Variants in ZNF516 observed in about 807,000 individuals in gnomAD.
ZNF516 encodes the protein zinc finger protein 516.
ZNF516 carries 19 observed loss-of-function variants against 79.7 expected under a neutral mutation model. That is an observed-to-expected ratio of 0.24 (90% CI 0.17 to 0.35). The LOEUF is 0.35. Among genes scored for constraint, ZNF516 ranks in the 10% least tolerant of loss-of-function variants. The pLI is 1.00. For missense variants in ZNF516, 1,678 were observed against 1,679.5 expected (o/e 1.00, Z 0.02); for synonymous variants, 877 against 739.5 (o/e 1.19, Z -3.02).
Position 76,379,817 on chromosome 18 carries a change from C to A in ZNF516, c.2297G>T (p.Ser766Ile), listed in dbSNP as rs758953863. The stretch of plus-strand genomic sequence containing the variant: ...GACCTCGGGGTAGTAGGTCTTGTGG[C>A]TGCAGTAAGGACACGGGTGAACGAC... Reference protein sequence around the residue: ...ALVVHPCPYCSHKTYYPEVLW... With the variant: ...ALVVHPCPYCIHKTYYPEVLW... Residue 766 changes from serine to isoleucine, a missense_variant, in exon 4 of 7, where the codon AGC (serine) becomes ATC (isoleucine). By Grantham distance (142) the Ser-to-Ile change is moderately radical. This residue lies in a region of ZNF516 where 1,294 missense variants were observed against 1,248.3 expected (regional missense o/e 1.04). Coordinates refer to ENST00000443185, the MANE Select transcript of ZNF516 (RefSeq NM_014643.4). 42 of 1,613,676 alleles carry A rather than the reference C, an allele frequency of 2.6e-5. No homozygotes were observed. The highest frequency in any genetic ancestry group is 1.3e-5 in the African/African-American group (1 of 74,938).
chr18:76,380,966 C>T (rs1219399222), intron 3 of ZNF516, among the ~76,000 whole-genome samples: 2 of 152,244 alleles, frequency 1.3e-5, no homozygotes, highest in Non-Finnish European at 2.9e-5. Flanking sequence ...CCACGCTATC[C>T]ACCTCCATGC....
chr18:76,456,141 G>A (rs1912709121), intron 2 of ZNF516, among the ~76,000 whole-genome samples: 1 of 152,198 alleles, frequency 6.6e-6, no homozygotes, highest in Non-Finnish European at 1.5e-5. Context: ...CTTCTCAGGA[G>A]CCCTGGCGAA....
chr18:76,485,940 T>A (rs1914808362), intron 1 of ZNF516, among the ~76,000 whole-genome samples: 1 of 151,500 alleles, frequency 6.6e-6, no homozygotes, highest in South Asian at 2.1e-4. Flanking sequence ...ATAAACATAC[T>A]TTTTTGCTCT....
At chr18:76,363,395 G>A (rs2074567147) in intron 6 of ZNF516, among the ~76,000 whole-genome samples, 1 of 152,206 alleles carries the variant, frequency 6.6e-6, no homozygotes, top group African/African-American at 2.4e-5. Flanking sequence ...TAATGGCGGA[G>A]TGGGGGAAGG....
chr18:76,491,827 T>C (rs1915244594), intron 1 of ZNF516: 1 of 151,906 alleles, frequency 6.6e-6, no homozygotes, highest in African/African-American at 2.4e-5. Context: ...ATAGGAATGA[T>C]TTAATCCAAC....
intron 1 of ZNF516, chr18:76,492,686 A>C: frequency 4.8e-5 from 47 of 979,620 alleles, no homozygotes; most frequent in Middle Eastern, 5.2e-4. Flanking sequence ...AAGGCCAGAG[A>C]AACCGCACGT....
intron 3 of ZNF516, among the ~76,000 whole-genome samples, chr18:76,397,881 C>T (rs970622814): frequency 4.6e-5 from 7 of 152,198 alleles, no homozygotes; most frequent in Admixed American, 3.3e-4. Flanking sequence ...AGACATGAGC[C>T]ACTGCGCCCC....
chr18:76,477,763 A>C (rs189173624), intron 1 of ZNF516, among the ~76,000 whole-genome samples: 10 of 152,110 alleles, frequency 6.6e-5, no homozygotes, highest in East Asian at 1.9e-4. Flanking sequence ...GACACAAACA[A>C]CACAAAAAAA....
At chr18:76,364,791 A>G (rs1442850673) in intron 6 of ZNF516, among the ~76,000 whole-genome samples, 3 of 152,250 alleles carry the variant, frequency 2.0e-5, no homozygotes, top group Non-Finnish European at 4.4e-5. Context: ...TAAGTGCCTG[A>G]GGACCAATTA....
intron 3 of ZNF516, among the ~76,000 whole-genome samples, chr18:76,436,944 G>A (rs114114714): frequency 0.017 from 2,550 of 152,182 alleles, 86 homozygotes; most frequent in African/African-American, 0.059. Flanking sequence ...GTGACCGCCT[G>A]TAGTCCTAGC....
rs749967508 is a variant in ZNF516, at chr18:76,379,006, G to A, written c.3108C>T (p.Pro1036=). 3.1e-6 allele frequency: 5 copies of A among 1,612,722 alleles called. No homozygotes were observed. The highest frequency in any genetic ancestry group is 4.2e-6 in the Non-Finnish European group (5 of 1,179,714). Residue 1036 remains proline (P), a synonymous_variant, in exon 4 of 7, where the codon CCC becomes CCT. Transcript: ENST00000443185. ...LQAQPGVAGA[P]PVLHSIKQEP... ...CCTGTTTGATGGAGTGTAGGACGGG[G>A]GGCGCCCCAGCCACGCCGGGCTGGG...
At chr18:76,406,716 C>A (rs1282596231) in intron 3 of ZNF516, among the ~76,000 whole-genome samples, 1 of 152,232 alleles carries the variant, frequency 6.6e-6, no homozygotes, top group Non-Finnish European at 1.5e-5. Flanking sequence ...CAACACGTTC[C>A]TGTAGACCTA....
At chr18:76,460,142 C>A (rs898515338) in intron 2 of ZNF516, among the ~76,000 whole-genome samples, 3 of 152,214 alleles carry the variant, frequency 2.0e-5, no homozygotes, top group Non-Finnish European at 2.9e-5. Flanking sequence ...TTGAAACATG[C>A]GGAACTCCGA....
At chr18:76,437,295 G>T (rs1384234577) in intron 3 of ZNF516, among the ~76,000 whole-genome samples, 3 of 152,102 alleles carry the variant, frequency 2.0e-5, no homozygotes, top group Admixed American at 1.3e-4. Context: ...AAAAGCCTCA[G>T]TGCGCCTGGT....
In ZNF516 at chr18:76,481,988, A is replaced by C. The variant is rs367904659; in HGVS notation, c.-272+13156T>G. On this transcript the variant is annotated intron_variant, in intron 1 of 6. Coordinates refer to ENST00000443185, the MANE Select transcript of ZNF516 (RefSeq NM_014643.4). ...AAGGAACTACTTTCCAAAAGCTACA[A>C]TAGCTTTTGCCTTAAGAATGTTATT... 2.0e-5 allele frequency among the ~76,000 whole-genome samples: 3 copies of C among 152,324 alleles called. No individual in the cohort carries two copies. The East Asian group carries it at 5.8e-4, about 29-fold the overall frequency.
intron 1 of ZNF516, among the ~76,000 whole-genome samples, chr18:76,475,359 T>C (rs541262930): frequency 3.3e-4 from 50 of 152,332 alleles, no homozygotes; most frequent in African/African-American, 1.2e-3. Context: ...CGACTGATAA[T>C]ATCAAGCACT....
chr18:76,391,751 G>A (rs1245504254), intron 3 of ZNF516, among the ~76,000 whole-genome samples: 1 of 152,230 alleles, frequency 6.6e-6, no homozygotes, highest in East Asian at 1.9e-4. Context: ...CAGGTGCCCA[G>A]GCAACCAGGT....
chr18:76,367,352 C>A (rs1405423296), intron 6 of ZNF516, among the ~76,000 whole-genome samples: 1 of 152,254 alleles, frequency 6.6e-6, no homozygotes, highest in East Asian at 1.9e-4. Flanking sequence ...AACCACTAAG[C>A]CCATTCTCAG....
chr18:76,472,780 A>G (rs1157807654), intron 1 of ZNF516, among the ~76,000 whole-genome samples: 1 of 152,266 alleles, frequency 6.6e-6, no homozygotes, highest in Non-Finnish European at 1.5e-5. Flanking sequence ...AATGATCACT[A>G]AATCCAGTAA....
Sources: gnomAD v4.1 joint callset for allele counts (sites outside exome capture counted in the v4.1 genomes callset) on GRCh38, gnomAD v4.1.1 for gene constraint, gnomAD v4.1.1 regional missense constraint, MANE v1.5 for transcripts, NCBI Gene and HGNC (gene_info 2026-07-23, HGNC 2026-07-21) for gene names.